GHR: variants seen among roughly 807,000 people sequenced by gnomAD.
The protein encoded by GHR is growth hormone receptor, also known as GH receptor.
In GHR, 35 loss-of-function variants were observed where a neutral mutation model predicts 67.1. That is an observed-to-expected ratio of 0.52 (90% CI 0.40 to 0.69). The LOEUF (loss-of-function observed/expected upper bound fraction) is 0.69, where lower values mean the gene tolerates loss of function less well. GHR is among the 30% of genes least tolerant of loss of function. The pLI is 0.00. For missense variants in GHR, 792 were observed against 764.6 expected (o/e 1.04, Z -0.42); for synonymous variants, 272 against 269.1 (o/e 1.01, Z -0.10).
intron 5 of GHR, among the ~76,000 whole-genome samples, chr5:42,696,360 G>A (rs191536072): frequency 7.2e-4 from 109 of 152,318 alleles, no homozygotes; most frequent in African/African-American, 2.5e-3. Flanking sequence ...GGTGGCCAAA[G>A]GCGTGAATGA....
chr5:42,563,467 A>C lies in GHR; in HGVS notation c.-11-2397A>C, dbSNP rs182034268. On this transcript the variant is annotated intron_variant, in intron 1 of 9. Coordinates refer to ENST00000230882, the MANE Select transcript of GHR (RefSeq NM_000163.5). Reference sequence around the variant, plus strand: ...CCGTCTCTACTAAAAATACAAAAAAAATTAGCCGGGCGCGGTGGCGGGCGC... The same window carrying C: ...CCGTCTCTACTAAAAATACAAAAAACATTAGCCGGGCGCGGTGGCGGGCGC... 3.8e-3 allele frequency among the ~76,000 whole-genome samples: 574 copies of C among 152,002 alleles called. 4 individuals are homozygous for C. The highest frequency in any genetic ancestry group is 0.013 in the African/African-American group (550 of 41,446).
chr5:42,702,402 C>A (rs1472214064), intron 6 of GHR, among the ~76,000 whole-genome samples: 1 of 152,046 alleles, frequency 6.6e-6, no homozygotes, highest in Non-Finnish European at 1.5e-5. Flanking sequence ...AGGCTGATAG[C>A]ATTCCATTGT....
chr5:42,495,687 A>G (rs958016860), intron 1 of GHR, among the ~76,000 whole-genome samples: 10 of 152,140 alleles, frequency 6.6e-5, no homozygotes, highest in Non-Finnish European at 1.2e-4. Flanking sequence ...TGAAACTTGT[A>G]TACACATTTT....
At chr5:42,679,704 T>A (rs79574878) in intron 3 of GHR, among the ~76,000 whole-genome samples, 1 of 152,136 alleles carries the variant, frequency 6.6e-6, no homozygotes, top group East Asian at 1.9e-4. Flanking sequence ...ACCAAGTGAC[T>A]TTGGGCCAGT....
At chr5:42,473,312 C>A (rs1049862187) in intron 1 of GHR, among the ~76,000 whole-genome samples, 1 of 152,142 alleles carries the variant, frequency 6.6e-6, no homozygotes, top group Non-Finnish European at 1.5e-5. Context: ...GTCCCTGCAA[C>A]CTCCGCCTCC....
At chr5:42,481,752 C>A (rs1472432669) in intron 1 of GHR, among the ~76,000 whole-genome samples, 1 of 152,184 alleles carries the variant, frequency 6.6e-6, no homozygotes, top group Non-Finnish European at 1.5e-5. Context: ...TTAAGGACTT[C>A]TCTGCATTGG....
At chr5:42,547,400 A>T (rs1201391825) in intron 1 of GHR, among the ~76,000 whole-genome samples, 1 of 152,164 alleles carries the variant, frequency 6.6e-6, no homozygotes, top group African/African-American at 2.4e-5. Flanking sequence ...ACACTCAATG[A>T]TGGGAATGGT....
chr5:42,528,625 T>G (rs1179392477), intron 1 of GHR, among the ~76,000 whole-genome samples: 1 of 152,218 alleles, frequency 6.6e-6, no homozygotes, highest in African/African-American at 2.4e-5. Flanking sequence ...TAAACTTAGT[T>G]GATAAAGCAG....
At chr5:42,563,487 G>A (rs1749733396) in intron 1 of GHR, among the ~76,000 whole-genome samples, 2 of 151,854 alleles carry the variant, frequency 1.3e-5, no homozygotes, top group African/African-American at 2.4e-5. Context: ...GCGCGGTGGC[G>A]GGCGCCTGTA....
intron 8 of GHR, among the ~76,000 whole-genome samples, chr5:42,717,508 C>A (rs12187996): frequency 3.3e-5 from 5 of 151,866 alleles, no homozygotes; most frequent in African/African-American, 4.8e-5. Context: ...CTGAAATGAA[C>A]CCTGTAGTAA....
chr5:42,697,765 G>A (rs944812621), intron 5 of GHR, among the ~76,000 whole-genome samples: 1 of 152,134 alleles, frequency 6.6e-6, no homozygotes, highest in Admixed American at 6.6e-5. Flanking sequence ...GATGATGAGC[G>A]ATGTGATCTA....
At chr5:42,673,521 C>G (rs1464091402) in intron 3 of GHR, among the ~76,000 whole-genome samples, 1 of 152,150 alleles carries the variant, frequency 6.6e-6, no homozygotes, top group African/African-American at 2.4e-5. Flanking sequence ...TGGAATCAAC[C>G]TAGGTGCCCA....
intron 3 of GHR, chr5:42,646,406 A>G: frequency 2.2e-6 from 1 of 451,408 alleles, no homozygotes; most frequent in South Asian, 1.6e-5. Context: ...TTGGCATGAA[A>G]ACTAATACGG....
Position 42,699,825 on chromosome 5 carries a change from G to T in GHR, c.441G>T (p.Val147=). 1 of 1,602,994 alleles carries T rather than the reference G, an allele frequency of 6.2e-7. No individual in the cohort carries two copies. The highest frequency in any genetic ancestry group is 8.5e-7 in the Non-Finnish European group (1 of 1,169,978). Residue 147 remains valine (V), a splice_region_variant and synonymous_variant, in exon 6 of 10, where the codon GTG becomes GTT. Coordinates refer to ENST00000230882, the MANE Select transcript of GHR (RefSeq NM_000163.5). ...CTAATGCTCTGTTGAATTGCACAGT[G>T]CAACCAGATCCACCCATTGCCCTCA... is the stretch of plus-strand genomic sequence containing the variant. ...DEKCFSVDEI[V]QPDPPIALNW...
At chr5:42,432,449 A>G (rs1284701306) in intron 1 of GHR, among the ~76,000 whole-genome samples, 1 of 152,200 alleles carries the variant, frequency 6.6e-6, no homozygotes, top group East Asian at 1.9e-4. Context: ...TTTGATTGCC[A>G]TTGGTCAGAA....
In GHR at chr5:42,488,874, C is replaced by T. The variant is rs538741264; in HGVS notation, c.-12+64919C>T. ...ATTTTATTTACTCTTCACAATAACC[C>T]TATAAAGTAGACTATGTTGCCATCC... On this transcript the variant is annotated intron_variant, in intron 1 of 9. Transcript: ENST00000230882. 2.6e-5 allele frequency among the ~76,000 whole-genome samples: 4 copies of T among 152,268 alleles called. No homozygotes were observed. The East Asian group carries it at 5.8e-4, about 22-fold the overall frequency.
chr5:42,576,950 G>A lies in GHR; in HGVS notation c.70+11006G>A, dbSNP rs1016186953. 4.6e-5 allele frequency among the ~76,000 whole-genome samples: 7 copies of A among 152,202 alleles called. 1 individual carries two copies. Among genetic ancestry groups the A allele is most frequent in the South Asian group, 4.1e-4 (2 of 4,834 alleles). ...TGTACAATACCTGGTATAGTTACTG[G>A]TAAGAGGTTTTCAGTAGAGACCAAT... On this transcript the variant is annotated intron_variant, in intron 2 of 9. Transcript: ENST00000230882.
chr5:42,497,431 T>G (rs1746366338), intron 1 of GHR, among the ~76,000 whole-genome samples: 1 of 152,222 alleles, frequency 6.6e-6, no homozygotes, highest in Non-Finnish European at 1.5e-5. Flanking sequence ...ATGGCAATGA[T>G]TATTGGTGAC....
intron 1 of GHR, among the ~76,000 whole-genome samples, chr5:42,460,514 A>G (rs1252230814): frequency 6.6e-6 from 1 of 152,216 alleles, no homozygotes; most frequent in East Asian, 1.9e-4. Context: ...ACTTAAAGTT[A>G]GTTTCCAGGA....
Sources: gnomAD v4.1 joint callset for allele counts (sites outside exome capture counted in the v4.1 genomes callset) on GRCh38, gnomAD v4.1.1 for gene constraint, MANE v1.5 for transcripts, NCBI Gene and HGNC (gene_info 2026-07-23, HGNC 2026-07-21) for gene names.